The following EXOC3L2 variants were observed in gnomAD, a reference collection of about 807,000 sequenced individuals.
EXOC3L2 encodes the protein exocyst complex component 3 like 2.
A neutral mutation model predicts 44.4 loss-of-function variants in EXOC3L2; 17 were observed. The observed-to-expected ratio is 0.38, with a 90% CI of 0.26 to 0.57. EXOC3L2 has a LOEUF of 0.57. EXOC3L2 is among the 20% of genes least tolerant of loss of function. The pLI, the probability that EXOC3L2 is intolerant of heterozygous loss-of-function variation, is 0.65. For missense variants in EXOC3L2, 541 were observed against 588.4 expected (o/e 0.92, Z 0.83); for synonymous variants, 256 against 253.7 (o/e 1.01, Z -0.09).
At chr19:45,216,517 T>G (rs1410801944) in intron 10 of EXOC3L2, among the ~76,000 whole-genome samples, 1 of 151,998 alleles carries the variant, frequency 6.6e-6, no homozygotes, top group African/African-American at 2.4e-5. Context: ...AGGCAGAGGT[T>G]ACAGTGAGCG....
At position 45,212,846 on chromosome 19, in the gene EXOC3L2, G is replaced by A. The variant is rs1317857402; in HGVS notation, c.*223C>T. On this transcript the variant is annotated 3_prime_UTR_variant, in exon 12 of 12. Coordinates refer to ENST00000413988, the MANE Select transcript of EXOC3L2 (RefSeq NM_001382422.1). ...AACTCCTGGGCTCAAGCAATCCTCC[G>A]GCCTCAGCCTCCCAAAGTGTTGGGA... 7 of 476,864 alleles carry A rather than the reference G, an allele frequency of 1.5e-5. No individual in the cohort carries two copies. The highest frequency in any genetic ancestry group is 4.7e-5 in the South Asian group (1 of 21,192). 29.5% of individuals were successfully genotyped at this position (476,864 alleles called of 1,614,324 possible). A position where few individuals can be genotyped will look rare whatever the true frequency, so the allele number is the denominator to read the frequency against.
intron 8 of EXOC3L2, 105 bp from the exon 9 acceptor site, chr19:45,218,424 C>A: frequency 7.4e-7 from 1 of 1,358,340 alleles, no homozygotes; most frequent in African/African-American, 1.5e-5. Context: ...CAGGGCTGTG[C>A]GGTGCTGGGA....
chr19:45,229,268 A>C (rs1057161243), intron 4 of EXOC3L2, among the ~76,000 whole-genome samples: 1 of 121,984 alleles, frequency 8.2e-6, no homozygotes, highest in African/African-American at 3.4e-5. Flanking sequence ...TTATGTATTA[A>C]ATATATACAT....
intron 11 of EXOC3L2, 142 bp downstream of exon 11, chr19:45,215,931 C>T: frequency 8.4e-7 from 1 of 1,193,420 alleles, no homozygotes; most frequent in East Asian, 2.6e-5. Context: ...ATTAATAATG[C>T]CCTGGTTCCA....
intron 1 of EXOC3L2, among the ~76,000 whole-genome samples, 155 bp from the exon 2 acceptor site, chr19:45,239,216 CTT>C (rs34721897): frequency 2.4e-5 from 3 of 122,572 alleles, no homozygotes; most frequent in Non-Finnish European, 3.3e-5. Context: ...AAGATGGGGA[CTT>C]TTTTTTTTTT....
chr19:45,223,898 G>A (rs1005729577), intron 8 of EXOC3L2, among the ~76,000 whole-genome samples: 1 of 152,026 alleles, frequency 6.6e-6, no homozygotes, highest in Non-Finnish European at 1.5e-5. Context: ...GGAGGCTGAG[G>A]CAGGAAAATC....
At chr19:45,235,668 C>G (rs556973472) in intron 2 of EXOC3L2, among the ~76,000 whole-genome samples, 2 of 152,280 alleles carry the variant, frequency 1.3e-5, no homozygotes, top group African/African-American at 2.4e-5. Context: ...ACCTCCACCC[C>G]CCTCCACTTC....
At position 45,234,934 on chromosome 19, in the gene EXOC3L2, T is replaced by C. The variant is rs747044084; in HGVS notation, c.524-108A>G. The stretch of plus-strand genomic sequence containing the variant: ...GGGAGAGAGATGAGGGGAAAAGGGT[T>C]ACAGGAGGCGGGAAAGTGTGGGGGC... On this transcript the variant is annotated intron_variant, in intron 2 of 11. Coordinates refer to ENST00000413988, the MANE Select transcript of EXOC3L2 (RefSeq NM_001382422.1). This position sits in a 1 kb window ranked among gnomAD's most constrained non-coding sequence, Gnocchi z 5.0. 151 of 374,834 alleles carry C rather than the reference T, an allele frequency of 4.0e-4. No individual in the cohort carries two copies. Among genetic ancestry groups the C allele is most frequent in the Non-Finnish European group, 6.8e-4 (143 of 210,974 alleles). The allele number at this position is 374,834 out of a possible 1,614,324, so 23.2% of individuals were successfully genotyped here.
chr19:45,229,212 GT>G (rs1326673160), intron 4 of EXOC3L2, among the ~76,000 whole-genome samples: 124 of 121,170 alleles, frequency 1.0e-3, no homozygotes, highest in African/African-American at 4.0e-3. Context: ...ATATATTTAT[GT>G]ATTAAATATA....
chr19:45,241,477 C>CA (rs554632176), intron 1 of EXOC3L2, among the ~76,000 whole-genome samples: 6,829 of 94,468 alleles, frequency 0.072, 295 homozygotes, highest in African/African-American at 0.15. Context: ...GACTCCATCT[C>CA]AAAAAAAAAA....
chr19:45,215,849 CTGTT>C (rs545710793), intron 11 of EXOC3L2, among the ~76,000 whole-genome samples: 40 of 152,328 alleles, frequency 2.6e-4, no homozygotes, highest in African/African-American at 8.7e-4. Flanking sequence ...CTGTGACCGC[CTGTT>C]TGTTTGTGAG....
intron 9 of EXOC3L2, 87 bp downstream of exon 9, chr19:45,218,110 C>T: frequency 2.1e-6 from 3 of 1,408,506 alleles, no homozygotes; most frequent in Non-Finnish European, 2.8e-6. Context: ...TCCCAACCTC[C>T]CAATCTCCCC....
chr19:45,245,011 CCGCCCAGACT>C (rs2122999864), intron 1 of EXOC3L2, among the ~76,000 whole-genome samples: 1 of 152,062 alleles, frequency 6.6e-6, no homozygotes, highest in African/African-American at 2.4e-5. Context: ...CTCAGTCTTC[CCGCCCAGACT>C]CGCAGGACAT....
At chr19:45,235,289 ACT>A (rs1159053099) in intron 2 of EXOC3L2, among the ~76,000 whole-genome samples, 1 of 152,046 alleles carries the variant, frequency 6.6e-6, no homozygotes, top group Non-Finnish European at 1.5e-5. Flanking sequence ...GTTGAGCGAG[ACT>A]CTATCTCAAA....
intron 4 of EXOC3L2, among the ~76,000 whole-genome samples, chr19:45,228,507 T>C (rs566527313): frequency 6.6e-6 from 1 of 152,286 alleles, no homozygotes; most frequent in East Asian, 1.9e-4. Context: ...CCAAGCGCGA[T>C]GGCTCACACA....
At chr19:45,213,937 C>T (rs930173550) in intron 11 of EXOC3L2, among the ~76,000 whole-genome samples, 14 of 151,872 alleles carry the variant, frequency 9.2e-5, no homozygotes, top group African/African-American at 3.4e-4. Context: ...CTGGGTGACA[C>T]AGCGAGACTC....
At chr19:45,244,717 C>A (rs372421807) in intron 1 of EXOC3L2, among the ~76,000 whole-genome samples, 1 of 152,128 alleles carries the variant, frequency 6.6e-6, no homozygotes, top group African/African-American at 2.4e-5. Flanking sequence ...GCCCTGACCT[C>A]GGTTTGCGGA....
Position 45,216,207 on chromosome 19 carries a change from G to A in EXOC3L2, c.1999-13C>T. 6.2e-7 allele frequency: 1 copy of A among 1,613,010 alleles called. No individual in the cohort carries two copies. The highest frequency in any genetic ancestry group is 2.2e-5 in the East Asian group (1 of 44,852). On this transcript the variant is annotated splice_polypyrimidine_tract_variant and intron_variant, in intron 10 of 11. Coordinates refer to ENST00000413988, the MANE Select transcript of EXOC3L2 (RefSeq NM_001382422.1). ...AGGCCTGGGACTCCTGCAGGGGAGGGAGGGTGCGGGGTCACACCCTCCCAA... is the reference window on the plus strand; with the variant it reads ...AGGCCTGGGACTCCTGCAGGGGAGGAAGGGTGCGGGGTCACACCCTCCCAA...
At position 45,221,758 on chromosome 19, in the gene EXOC3L2, C is replaced by G. The variant is rs572273606; in HGVS notation, c.1719+3020G>C. Among the ~76,000 whole-genome samples the G allele has an allele frequency of 1.4e-4, 21 of 151,628 alleles. No homozygotes were observed. In the South Asian group the frequency reaches 4.2e-3, roughly 30 times the overall value. ...AACTTCCTGGGATCAAGCGATCCTC[C>G]CACTTCAGCCTCCCAAGTACCTGGG... On this transcript the variant is annotated intron_variant, in intron 8 of 11. Transcript: ENST00000413988.
Sources: allele counts gnomAD v4.1 joint callset (sites outside exome capture counted in the v4.1 genomes callset), GRCh38; gene constraint gnomAD v4.1.1; non-coding constraint Gnocchi (gnomAD v3.1); transcripts MANE v1.5; gene names NCBI Gene and HGNC (gene_info 2026-07-23, HGNC 2026-07-21).